Variants in IFIT1 observed in about 807,000 individuals in gnomAD.
IFIT1 encodes antiviral innate immune response effector IFIT1.
Under a neutral mutation model 2.5 loss-of-function variants are expected in IFIT1, and 1 was observed. The ratio of observed to expected loss-of-function variants is 0.40; its 90% CI spans 0.14 to 1.92. The LOEUF (loss-of-function observed/expected upper bound fraction) is 1.92, where lower values mean the gene tolerates loss of function less well. Among genes scored for constraint, IFIT1 ranks in the 40% most tolerant of loss-of-function variants. IFIT1 has a pLI of 0.31. For missense variants in IFIT1, 508 were observed against 557.8 expected, an observed-to-expected ratio of 0.91 and a Z score of 0.90; for synonymous variants, 191 against 201.7, an observed-to-expected ratio of 0.95 and a Z score of 0.45.
At chr10:89,399,979 T>C (rs1250010766) in intron 1 of IFIT1, among the ~76,000 whole-genome samples, 3 of 152,210 alleles carry the variant, frequency 2.0e-5, no homozygotes, top group African/African-American at 7.2e-5. Context: ...GTCACCTTCA[T>C]CTAGGACTTC....
At position 89,404,890 on chromosome 10, in the gene IFIT1, A is replaced by T. The variant is rs1194514577; in HGVS notation, c.*1178A>T. 3 of 151,994 alleles carry T rather than the reference A, an allele frequency of 2.0e-5. No individual in the cohort carries two copies. The highest frequency in any genetic ancestry group is 4.4e-5 in the Non-Finnish European group (3 of 67,998). 9.4% of individuals were successfully genotyped at this position (151,994 alleles called of 1,614,324 possible). Reference sequence around the variant, plus strand: ...GGTGAGTGGACTGCTGGAGCCAGGGAGTTCGAGGCTGCAGTGTCGAGATCT... The same window carrying T: ...GGTGAGTGGACTGCTGGAGCCAGGGTGTTCGAGGCTGCAGTGTCGAGATCT... On this transcript the variant is annotated 3_prime_UTR_variant, in exon 2 of 2. Coordinates refer to ENST00000371804, the MANE Select transcript of IFIT1 (RefSeq NM_001548.5).
Position 89,405,361 on chromosome 10 carries a change from GCAAGGCA to G in IFIT1, c.*1653_*1659del, listed in dbSNP as rs754329270. The G allele has an allele frequency of 2.0e-5, 3 of 152,128 alleles. No individual in the cohort carries two copies. Among genetic ancestry groups the G allele is most frequent in the Admixed American group, 6.5e-5 (1 of 15,284 alleles). The allele number at this position is 152,128 out of a possible 1,614,324, so 9.4% of individuals were successfully genotyped here. On this transcript the variant is annotated 3_prime_UTR_variant, in exon 2 of 2. Transcript: ENST00000371804. ...ATGAATAATCATATTTTATTGAAAG[GCAAGGCA>G]CAACAAATAATAAGAAGGAAAAAAT...
chr10:89,402,127 A>T (rs1258046038), intron 1 of IFIT1, among the ~76,000 whole-genome samples, 154 bp from the exon 2 acceptor site: 1 of 152,242 alleles, frequency 6.6e-6, no homozygotes, highest in Non-Finnish European at 1.5e-5. Flanking sequence ...CAATATCAAC[A>T]GTCCATGAAT....
At chr10:89,400,156 T>C (rs1214304459) in intron 1 of IFIT1, among the ~76,000 whole-genome samples, 2 of 152,250 alleles carry the variant, frequency 1.3e-5, no homozygotes, top group East Asian at 3.8e-4. Flanking sequence ...TATACCATTG[T>C]TGTAATATTG....
chr10:89,392,643 G>C lies in IFIT1; in HGVS notation c.-70G>C, dbSNP rs937770743. The C allele has an allele frequency of 1.7e-5, 26 of 1,571,018 alleles. No homozygotes were observed. The highest frequency in any genetic ancestry group is 2.2e-5 in the East Asian group (1 of 44,712). On this transcript the variant is annotated 5_prime_UTR_variant, in exon 1 of 2. Coordinates refer to ENST00000371804, the MANE Select transcript of IFIT1 (RefSeq NM_001548.5). ...AACGTAACTGAAAATCCACAAGACA[G>C]AATAGCCAGATCTCAGAGGAGCCTG...
intron 1 of IFIT1, chr10:89,393,028 C>A: frequency 1.2e-6 from 1 of 818,394 alleles, no homozygotes; most frequent in Admixed American, 3.2e-5. Flanking sequence ...CTGAGAGATT[C>A]TTTCCCATCA....
intron 1 of IFIT1, among the ~76,000 whole-genome samples, chr10:89,395,422 T>C (rs1318981205): frequency 6.6e-6 from 1 of 152,216 alleles, no homozygotes; most frequent in Non-Finnish European, 1.5e-5. Flanking sequence ...GCAAGGCATA[T>C]TACCCTCTTC....
intron 1 of IFIT1, among the ~76,000 whole-genome samples, chr10:89,394,924 A>C (rs940146253): frequency 2.0e-5 from 3 of 152,090 alleles, no homozygotes; most frequent in African/African-American, 7.2e-5. Context: ...ATTTCATATA[A>C]ATGGAAACAC....
chr10:89,402,117 C>T (rs2133628907), intron 1 of IFIT1, among the ~76,000 whole-genome samples, 164 bp from the exon 2 acceptor site: 1 of 152,254 alleles, frequency 6.6e-6, no homozygotes, highest in African/African-American at 2.4e-5. Flanking sequence ...GCCAAGCAAA[C>T]AATATCAACA....
chr10:89,401,598 T>C (rs303212), intron 1 of IFIT1, among the ~76,000 whole-genome samples: 58,664 of 151,850 alleles, frequency 0.39, 13,592 homozygotes, highest in African/African-American at 0.63. Flanking sequence ...CTCATAGGCT[T>C]ACGTGAAAAA....
Position 89,403,986 on chromosome 10 carries a change from A to G in IFIT1, c.*274A>G, listed in dbSNP as rs74146946. ...GGAAATAAAACATTGGACTTACACT[A>G]AATGTTTAATTCATTCATTTTATTG... On this transcript the variant is annotated 3_prime_UTR_variant, in exon 2 of 2. Transcript: ENST00000371804. 18,592 of 305,438 alleles carry G rather than the reference A, an allele frequency of 0.061. 1,295 individuals carry two copies. Among genetic ancestry groups the G allele is most frequent in the African/African-American group, 0.21 (9,926 of 46,358 alleles). The allele number at this position is 305,438 out of a possible 1,614,324, so 18.9% of individuals were successfully genotyped here.
At position 89,393,287 on chromosome 10, in the gene IFIT1, C is replaced by T. The variant is rs1844285015; in HGVS notation, c.5+570C>T. 3 of 1,289,506 alleles carry T rather than the reference C, an allele frequency of 2.3e-6. No homozygotes were observed. In the Admixed American group the frequency reaches 6.9e-5, roughly 30 times the overall value. The allele number at this position is 1,289,506 out of a possible 1,614,324, so 79.9% of individuals were successfully genotyped here. A position where few individuals can be genotyped will look rare whatever the true frequency, so the allele number is the denominator to read the frequency against. ...GCCTCTTACAACAGGTTTTCGCAAT[C>T]AGGCTGAGCTTAAGATAAACAGATT... On this transcript the variant is annotated intron_variant, in intron 1 of 1. Coordinates refer to ENST00000371804, the MANE Select transcript of IFIT1 (RefSeq NM_001548.5).
intron 1 of IFIT1, chr10:89,393,269 A>G: frequency 7.8e-7 from 1 of 1,289,716 alleles, no homozygotes. Context: ...CTGGCCTCTT[A>G]CAACAGGTTT....
At chr10:89,401,414 C>A (rs546537372) in intron 1 of IFIT1, among the ~76,000 whole-genome samples, 3 of 152,090 alleles carry the variant, frequency 2.0e-5, no homozygotes, top group Admixed American at 2.0e-4. Flanking sequence ...AGCCACCGCA[C>A]CCAGCCTATA....
chr10:89,397,494 T>G (rs1027794770), intron 1 of IFIT1, among the ~76,000 whole-genome samples: 15 of 152,196 alleles, frequency 9.9e-5, no homozygotes, highest in Non-Finnish European at 2.9e-5. Flanking sequence ...AAGTTATAAA[T>G]TATTGCTTCT....
In IFIT1 at chr10:89,402,408, T is replaced by C; in HGVS notation, c.133T>C (p.Phe45Leu). Residue 45 changes from phenylalanine to leucine, a missense_variant, in exon 2 of 2, where the codon TTC (phenylalanine) becomes CTC (leucine). Coordinates refer to ENST00000371804, the MANE Select transcript of IFIT1 (RefSeq NM_001548.5). Reference sequence around the variant, plus strand: ...AAACAGAGTCTTGGATCAGATTGAATTCCTAGACACCAAATACAGTGTGGG... The same window carrying C: ...AAACAGAGTCTTGGATCAGATTGAACTCCTAGACACCAAATACAGTGTGGG... ...LENRVLDQIEFLDTKYSVGIH... is the reference protein window; with the variant it reads ...LENRVLDQIELLDTKYSVGIH... The C allele has an allele frequency of 1.5e-5, 25 of 1,614,170 alleles. No individual in the cohort carries two copies. Among genetic ancestry groups the C allele is most frequent in the Non-Finnish European group, 2.1e-5 (25 of 1,180,004 alleles).
Position 89,399,463 on chromosome 10 carries a change from G to A in IFIT1, c.6-2818G>A, listed in dbSNP as rs149105217. 1.7e-3 allele frequency among the ~76,000 whole-genome samples: 255 copies of A among 152,222 alleles called. 2 individuals are homozygous for A. The highest frequency in any genetic ancestry group is 5.9e-3 in the African/African-American group (247 of 41,526). ...ATCACTGCCAATTGCCAAATCCAAT[G>A]TTACAAAGCTTTTTCCTTTCTTCTG... On this transcript the variant is annotated intron_variant, in intron 1 of 1. Coordinates refer to ENST00000371804, the MANE Select transcript of IFIT1 (RefSeq NM_001548.5).
Position 89,394,577 on chromosome 10 carries a change from AAT to A in IFIT1, c.5+1910_5+1911del, listed in dbSNP as rs200060906. 2.9e-3 allele frequency among the ~76,000 whole-genome samples: 318 copies of A among 108,588 alleles called. 1 individual carries two copies. The highest frequency in any genetic ancestry group is 0.011 in the Middle Eastern group (2 of 182). The allele number at this position is 108,588 out of a possible 152,430, so 71.2% of individuals were successfully genotyped here. ...TTTATGTCAATATGTACTACAGGAA[AAT>A]ATATATATATATATATATATATATA... is the stretch of plus-strand genomic sequence containing the variant. On this transcript the variant is annotated intron_variant, in intron 1 of 1. Coordinates refer to ENST00000371804, the MANE Select transcript of IFIT1 (RefSeq NM_001548.5).
intron 1 of IFIT1, among the ~76,000 whole-genome samples, chr10:89,396,032 C>G (rs887568410): frequency 6.6e-6 from 1 of 152,136 alleles, no homozygotes; most frequent in Non-Finnish European, 1.5e-5. Context: ...AATAGTGCTG[C>G]TATCAACATC....
Sources: gnomAD v4.1 joint callset for allele counts (sites outside exome capture counted in the v4.1 genomes callset) on GRCh38, gnomAD v4.1.1 for gene constraint, MANE v1.5 for transcripts, NCBI Gene and HGNC (gene_info 2026-07-23, HGNC 2026-07-21) for gene names.